KCNQ1: variants seen among roughly 807,000 people sequenced by gnomAD.
The protein encoded by KCNQ1 is potassium voltage-gated channel subfamily KQT member 1.
A neutral mutation model predicts 72.4 loss-of-function variants in KCNQ1; 49 were observed. That is an observed-to-expected ratio of 0.68 (90% confidence interval 0.54 to 0.86). The LOEUF (loss-of-function observed/expected upper bound fraction) is 0.86, where lower values mean the gene tolerates loss of function less well. KCNQ1 is among the 40% of genes least tolerant of loss of function. The probability of loss-of-function intolerance (pLI) is 0.00; values close to 1 mark genes in which losing one functional copy is unlikely to be tolerated. For missense variants in KCNQ1, 790 were observed against 945.1 expected, an observed-to-expected ratio of 0.84 and a Z score of 2.15; for synonymous variants, 450 against 412.6, an observed-to-expected ratio of 1.09 and a Z score of -1.10.
intron 15 of KCNQ1, among the ~76,000 whole-genome samples, chr11:2,804,065 G>A (rs1162357031): frequency 1.3e-5 from 2 of 152,174 alleles, no homozygotes; most frequent in Non-Finnish European, 1.5e-5. Flanking sequence ...GGAGCCTGGA[G>A]CTCCTTCTGC....
intron 11 of KCNQ1, among the ~76,000 whole-genome samples, chr11:2,701,116 C>T (rs80005273): frequency 2.0e-5 from 3 of 152,344 alleles, no homozygotes; most frequent in East Asian, 3.9e-4. Context: ...CAGCCGTCCC[C>T]CCACCAAGGC....
Position 2,781,922 on chromosome 11 carries a change from A to G in KCNQ1, c.1794+3885A>G, listed in dbSNP as rs1846830346. Among the ~76,000 whole-genome samples, 1 of 152,202 alleles carries G rather than the reference A, an allele frequency of 6.6e-6. No homozygotes were observed. On this transcript the variant is annotated intron_variant, in intron 15 of 15. Transcript: ENST00000155840. The surrounding 1 kb of genome is among the most constrained non-coding windows in gnomAD (Gnocchi z 6.6). ...CTCCGGTCGCAGAATCCAGGCCTCC[A>G]GGATGAGAATGCCCCCCAACCCAGG...
intron 1 of KCNQ1, among the ~76,000 whole-genome samples, chr11:2,527,203 G>A (rs976748557): frequency 5.3e-5 from 8 of 152,172 alleles, no homozygotes; most frequent in African/African-American, 7.2e-5. Flanking sequence ...GCTCGGCCTC[G>A]GGGCCTTGGA....
At chr11:2,655,406 G>A (rs1234849699) in intron 10 of KCNQ1, 1 of 398,566 alleles carries the variant, frequency 2.5e-6, no homozygotes, top group African/African-American at 2.1e-5. Flanking sequence ...AGGATGCTGT[G>A]CTCTTTGTCC....
intron 10 of KCNQ1, chr11:2,644,516 CTTT>C: frequency 2.5e-6 from 1 of 398,366 alleles, no homozygotes; most frequent in East Asian, 3.6e-5. Context: ...ATCAGATCTT[CTTT>C]AATATTATAT....
At chr11:2,717,607 C>T (rs1180240261) in intron 11 of KCNQ1, among the ~76,000 whole-genome samples, 1 of 152,206 alleles carries the variant, frequency 6.6e-6, no homozygotes, top group African/African-American at 2.4e-5. Context: ...CAGGAACGTT[C>T]CTGTCCCAAT....
chr11:2,561,194 C>T (rs1298329398), intron 2 of KCNQ1, among the ~76,000 whole-genome samples: 7 of 127,640 alleles, frequency 5.5e-5, no homozygotes, highest in African/African-American at 2.1e-4. Flanking sequence ...CAGCGAGACT[C>T]CGTCTCAAAA....
intron 13 of KCNQ1, 129 bp downstream of exon 13, chr11:2,776,183 TCTC>T (rs780027793): frequency 1.3e-5 from 10 of 778,048 alleles, no homozygotes; most frequent in Middle Eastern, 3.6e-4. Flanking sequence ...ACCACCCCCT[TCTC>T]CTCACCACCC....
rs1345041006 is a variant in KCNQ1, at chr11:2,704,383, GT to G, written c.1514+42305del. On this transcript the variant is annotated intron_variant, in intron 11 of 15. Transcript: ENST00000155840. The surrounding 1 kb of genome is among the most constrained non-coding windows in gnomAD (Gnocchi z 4.3). ...TGAGACGGCTATTCCTTTGAGACAT[GT>G]TTACTTGACTTCCTGCCCCAGGTCT... 6.6e-6 allele frequency among the ~76,000 whole-genome samples: 1 copy of G among 152,206 alleles called. No homozygotes were observed. Among genetic ancestry groups the G allele is most frequent in the Non-Finnish European group, 1.5e-5 (1 of 68,040 alleles).
rs77242379 is a variant in KCNQ1 at position 2,457,540 on chromosome 11, C to A, written c.386+12056C>A. Among the ~76,000 whole-genome samples, 2,164 of 151,888 alleles carry A rather than the reference C, an allele frequency of 0.014. 49 individuals are homozygous for A. The highest frequency in any genetic ancestry group is 0.046 in the African/African-American group (1,892 of 41,308). On this transcript the variant is annotated intron_variant, in intron 1 of 15. Transcript: ENST00000155840. This position sits in a 1 kb window ranked among gnomAD's most constrained non-coding sequence, Gnocchi z 5.0. Reference sequence around the variant, plus strand: ...TGCAGAAACTGAAAACCAAATACTGCGTGGTCTCATGGATTATAAGTGAGG... The same window carrying A: ...TGCAGAAACTGAAAACCAAATACTGAGTGGTCTCATGGATTATAAGTGAGG...
At chr11:2,583,843 G>A (rs1351923713) in intron 7 of KCNQ1, among the ~76,000 whole-genome samples, 1 of 152,202 alleles carries the variant, frequency 6.6e-6, no homozygotes, top group African/African-American at 2.4e-5. Flanking sequence ...GGTGGGCAAT[G>A]CTGCTACCAC....
At chr11:2,628,835 A>C in intron 10 of KCNQ1, 3 of 398,228 alleles carry the variant, frequency 7.5e-6, no homozygotes, top group Middle Eastern at 1.3e-3. Context: ...TTGCATGTGG[A>C]TATCCTGGTT....
At chr11:2,568,197 T>C (rs930297777) in intron 2 of KCNQ1, among the ~76,000 whole-genome samples, 3 of 152,032 alleles carry the variant, frequency 2.0e-5, no homozygotes, top group Non-Finnish European at 2.9e-5. Context: ...TGCTTGAACC[T>C]GGGAGGCAGA....
At chr11:2,692,816 G>A (rs1257016407) in intron 11 of KCNQ1, 1 of 398,538 alleles carries the variant, frequency 2.5e-6, no homozygotes, top group Non-Finnish European at 4.4e-6. Flanking sequence ...TCCCTAACAT[G>A]AGGCAATGAT....
At position 2,588,637 on chromosome 11, in the gene KCNQ1, C is replaced by A; in HGVS notation, c.1252-76C>A. 1 of 1,588,818 alleles carries A rather than the reference C, an allele frequency of 6.3e-7. No homozygotes were observed. The highest frequency in any genetic ancestry group is 1.1e-5 in the South Asian group (1 of 90,170). On this transcript the variant is annotated intron_variant, in intron 9 of 15. Transcript: ENST00000155840. This position sits in a 1 kb window ranked among gnomAD's most constrained non-coding sequence, Gnocchi z 5.6. ...GGGGGCTGGGCTCGGGGCGGCTGCA[C>A]AGGCACTCTGGGGCCGGCGTAGGGC...
At chr11:2,525,010 G>T (rs1000907479) in intron 1 of KCNQ1, among the ~76,000 whole-genome samples, 1 of 152,200 alleles carries the variant, frequency 6.6e-6, no homozygotes, top group Non-Finnish European at 1.5e-5. Context: ...ACAAACAGAC[G>T]TCCAGGAGGA....
rs369349051 is a variant in KCNQ1, at chr11:2,659,397, T to C, written c.1394-2564T>C. The C allele has an allele frequency of 6.3e-5, 25 of 398,520 alleles. No homozygotes were observed. Among genetic ancestry groups the C allele is most frequent in the East Asian group, 2.1e-4 (6 of 28,082 alleles). The allele number at this position is 398,520 out of a possible 1,614,324, so 24.7% of individuals were successfully genotyped here. A position where few individuals can be genotyped will look rare whatever the true frequency, so the allele number is the denominator to read the frequency against. On this transcript the variant is annotated intron_variant, in intron 10 of 15. Coordinates refer to ENST00000155840, the MANE Select transcript of KCNQ1 (RefSeq NM_000218.3). This position sits in a 1 kb window ranked among gnomAD's most constrained non-coding sequence, Gnocchi z 4.3. ...TGGCTTCTTTCACTGCTTAGCAAAA[T>C]GCATTTGAGATTCATCCATGTTGTT...
At position 2,654,599 on chromosome 11, in the gene KCNQ1, G is replaced by C. The variant is rs1475725047; in HGVS notation, c.1394-7362G>C. 2.5e-6 allele frequency: 1 copy of C among 398,800 alleles called. No homozygotes were observed. The highest frequency in any genetic ancestry group is 4.4e-6 in the Non-Finnish European group (1 of 226,226). The allele number at this position is 398,800 out of a possible 1,614,324, so 24.7% of individuals were successfully genotyped here. A position where few individuals can be genotyped will look rare whatever the true frequency, so the allele number is the denominator to read the frequency against. On this transcript the variant is annotated intron_variant, in intron 10 of 15. Coordinates refer to ENST00000155840, the MANE Select transcript of KCNQ1 (RefSeq NM_000218.3). The surrounding 1 kb of genome is among the most constrained non-coding windows in gnomAD (Gnocchi z 6.4). ...AGGAGGGGAAGGGCAGGGGGTGAGT[G>C]GTTGGGTGAAGTTACTAGGAAGGGC...
rs1354807989 is a variant in KCNQ1, at chr11:2,762,805, C to G, written c.1515-6039C>G. ...AGTTTCATCCTGAAACCATCTCCCC[C>G]CACCCCACCCCGTCCACGGAAAAAG... On this transcript the variant is annotated intron_variant, in intron 11 of 15. Transcript: ENST00000155840. This position sits in a 1 kb window ranked among gnomAD's most constrained non-coding sequence, Gnocchi z 4.3. 6.6e-6 allele frequency among the ~76,000 whole-genome samples: 1 copy of G among 152,176 alleles called. No homozygotes were observed. The highest frequency in any genetic ancestry group is 1.5e-5 in the Non-Finnish European group (1 of 68,026).
Sources: allele counts gnomAD v4.1 joint callset (sites outside exome capture counted in the v4.1 genomes callset), GRCh38; gene constraint gnomAD v4.1.1; non-coding constraint Gnocchi (gnomAD v3.1); transcripts MANE v1.5; gene names NCBI Gene and HGNC (gene_info 2026-07-23, HGNC 2026-07-21).